Variants in ACTR3C observed in about 807,000 individuals in gnomAD.
ACTR3C encodes the protein actin related protein 3C, also known as actin-related protein 3C.
In ACTR3C, 18 loss-of-function variants were observed where a neutral mutation model predicts 26.3. The ratio of observed to expected loss-of-function variants is 0.68; its 90% CI spans 0.47 to 1.01. The LOEUF (loss-of-function observed/expected upper bound fraction) is 1.01, where lower values mean the gene tolerates loss of function less well. Ranked by LOEUF, ACTR3C falls within the 50% of genes least tolerant of loss-of-function variation. The pLI, the probability that ACTR3C is intolerant of heterozygous loss-of-function variation, is 0.00. For missense variants in ACTR3C, 184 were observed against 250.7 expected (o/e 0.73, Z 1.80); for synonymous variants, 55 against 94.5 (o/e 0.58, Z 2.42).
intron 6 of ACTR3C, among the ~76,000 whole-genome samples, chr7:150,270,998 A>C (rs1976875): frequency 0.22 from 32,762 of 150,066 alleles, 5,832 homozygotes; most frequent in African/African-American, 0.49. Flanking sequence ...TCCACAGCAG[A>C]ACACAACACC....
chr7:149,913,665 A>C, the ACTR3C span, among the ~76,000 whole-genome samples: 3 of 150,218 alleles, frequency 2.0e-5, no homozygotes, highest in Admixed American at 2.0e-4. Context: ...TGTTCTTAAC[A>C]CCCCTCGCTC....
the ACTR3C span, among the ~76,000 whole-genome samples, chr7:149,991,137 A>G: frequency 1.3e-5 from 2 of 152,236 alleles, no homozygotes; most frequent in Non-Finnish European, 2.9e-5. Flanking sequence ...ACACGGCAGC[A>G]GACAAAGACA....
chr7:150,088,727 G>A, the ACTR3C span, among the ~76,000 whole-genome samples: 4 of 152,058 alleles, frequency 2.6e-5, no homozygotes, highest in Non-Finnish European at 5.9e-5. Flanking sequence ...ACATTCACAC[G>A]GGAATCACTA....
the ACTR3C span, among the ~76,000 whole-genome samples, chr7:150,036,901 C>T: frequency 1.1e-4 from 12 of 111,632 alleles, no homozygotes; most frequent in Middle Eastern, 4.3e-3. Context: ...CCCCGCCTCG[C>T]GGGGAGTGCC....
chr7:150,184,611 C>CT, the ACTR3C span, among the ~76,000 whole-genome samples: 2 of 150,476 alleles, frequency 1.3e-5, no homozygotes, highest in Non-Finnish European at 2.9e-5. Context: ...GATATTAACA[C>CT]TTTTTTTCTT....
At chr7:150,290,258 G>A (rs569807971) in intron 3 of ACTR3C, among the ~76,000 whole-genome samples, 2 of 152,196 alleles carry the variant, frequency 1.3e-5, no homozygotes, top group Non-Finnish European at 2.9e-5. Context: ...GTCTGTGAGG[G>A]GCCAGGAAAG....
chr7:149,991,570 C>A, the ACTR3C span, among the ~76,000 whole-genome samples: 1 of 152,176 alleles, frequency 6.6e-6, no homozygotes, highest in African/African-American at 2.4e-5. Context: ...ATTTTGGATT[C>A]TTTTGGCCAT....
At chr7:150,125,659 T>C in the ACTR3C span, among the ~76,000 whole-genome samples, 108 of 151,990 alleles carry the variant, frequency 7.1e-4, no homozygotes, top group East Asian at 2.3e-3. Context: ...ATTCCCCAGT[T>C]CTAGCAAATT....
chr7:150,082,957 T>G, the ACTR3C span, among the ~76,000 whole-genome samples: 1 of 143,368 alleles, frequency 7.0e-6, no homozygotes, highest in Non-Finnish European at 1.5e-5. Context: ...CTTTTTTTTT[T>G]TTTTTCAGGA....
At chr7:150,312,067 C>A (rs921711812) in intron 1 of ACTR3C, among the ~76,000 whole-genome samples, 1 of 152,202 alleles carries the variant, frequency 6.6e-6, no homozygotes, top group Non-Finnish European at 1.5e-5. Flanking sequence ...CAGAAACCAA[C>A]GGATCTTATT....
chr7:150,051,376 CCA>C, the ACTR3C span, among the ~76,000 whole-genome samples: 121 of 133,948 alleles, frequency 9.0e-4, no homozygotes, highest in Middle Eastern at 4.0e-3. Flanking sequence ...CTCCCCTTAT[CCA>C]CACACACACA....
the ACTR3C span, among the ~76,000 whole-genome samples, chr7:150,126,825 G>A: frequency 6.6e-6 from 1 of 152,132 alleles, no homozygotes; most frequent in Non-Finnish European, 1.5e-5. Context: ...ACGGTTGTCT[G>A]CAGGACTAAC....
the ACTR3C span, among the ~76,000 whole-genome samples, chr7:150,009,818 G>A: frequency 1.2e-4 from 19 of 152,330 alleles, no homozygotes; most frequent in Non-Finnish European, 2.2e-4. Context: ...CCTAGCCTGC[G>A]GCTAATTCTC....
chr7:150,059,273 A>C, the ACTR3C span, among the ~76,000 whole-genome samples: 3 of 152,352 alleles, frequency 2.0e-5, no homozygotes, highest in Admixed American at 1.3e-4. Flanking sequence ...ACAGAGGGGA[A>C]ACCTCAAAAC....
At chr7:150,042,737 T>C in the ACTR3C span, among the ~76,000 whole-genome samples, 1 of 151,610 alleles carries the variant, frequency 6.6e-6, no homozygotes, top group African/African-American at 2.4e-5. Context: ...GCCAAGGCCC[T>C]CTAATAGGGG....
the ACTR3C span, among the ~76,000 whole-genome samples, chr7:149,952,099 T>C: frequency 6.6e-6 from 1 of 151,324 alleles, no homozygotes; most frequent in African/African-American, 2.5e-5. Flanking sequence ...CCTCTTCTTA[T>C]AAGGATGTCA....
the ACTR3C span, among the ~76,000 whole-genome samples, chr7:150,029,415 A>AC: frequency 8.0e-3 from 737 of 92,284 alleles, 26 homozygotes; most frequent in African/African-American, 0.048. Context: ...AAAAAAAAAA[A>AC]AACAAACAAA....
the ACTR3C span, among the ~76,000 whole-genome samples, chr7:149,941,712 G>A: frequency 6.6e-6 from 1 of 152,314 alleles, no homozygotes; most frequent in South Asian, 2.1e-4. Context: ...ATCCCCACTG[G>A]GATGGGAAAC....
the ACTR3C span, among the ~76,000 whole-genome samples, chr7:150,221,688 C>T: frequency 1.3e-5 from 2 of 152,152 alleles, no homozygotes; most frequent in African/African-American, 2.4e-5. Flanking sequence ...AGTGCATTGG[C>T]TTGGTAACAG....
Sources: gnomAD v4.1 joint callset for allele counts (sites outside exome capture counted in the v4.1 genomes callset) on GRCh38, gnomAD v4.1.1 for gene constraint, MANE v1.5 for transcripts, NCBI Gene and HGNC (gene_info 2026-07-23, HGNC 2026-07-21) for gene names.